HACD3: variants seen among roughly 807,000 people sequenced by gnomAD.
HACD3 encodes the protein very-long-chain (3R)-3-hydroxyacyl-CoA dehydratase 3.
Under a neutral mutation model 55.2 loss-of-function variants are expected in HACD3, and 30 were observed. The ratio of observed to expected loss-of-function variants is 0.54; its 90% confidence interval spans 0.41 to 0.74. HACD3 has a LOEUF of 0.74. Ranked by LOEUF, HACD3 falls within the 30% of genes least tolerant of loss-of-function variation. The pLI, the probability that HACD3 is intolerant of heterozygous loss-of-function variation, is 0.00. For synonymous variants in HACD3, 141 were observed against 151.7 expected (o/e 0.93, Z 0.52); for missense variants, 363 against 440.1 (o/e 0.82, Z 1.57).
At chr15:65,540,198 A>G (rs1452588338) in intron 1 of HACD3, among the ~76,000 whole-genome samples, 2 of 152,216 alleles carry the variant, frequency 1.3e-5, no homozygotes, top group African/African-American at 4.8e-5. Context: ...TTATTACCAC[A>G]GTACAAAAAC....
chr15:65,540,251 C>T (rs2072007135), intron 1 of HACD3, among the ~76,000 whole-genome samples: 1 of 152,100 alleles, frequency 6.6e-6, no homozygotes, highest in South Asian at 2.1e-4. Context: ...AACTGTTGAC[C>T]ACTCACAATG....
chr15:65,570,027 C>A, intron 7 of HACD3, 64 bp from the exon 8 acceptor site: 1 of 1,109,338 alleles, frequency 9.0e-7, no homozygotes. Flanking sequence ...TTTCAGATAA[C>A]ACATTTCTAT....
At chr15:65,542,736 A>G (rs1263875695) in intron 1 of HACD3, among the ~76,000 whole-genome samples, 1 of 152,132 alleles carries the variant, frequency 6.6e-6, no homozygotes, top group Non-Finnish European at 1.5e-5. Context: ...TAAAGTTTGA[A>G]TTTTGAACAA....
At chr15:65,569,261 AC>A (rs1175288211) in intron 7 of HACD3, among the ~76,000 whole-genome samples, 7 of 151,056 alleles carry the variant, frequency 4.6e-5, no homozygotes, top group African/African-American at 1.2e-4. Flanking sequence ...AAAAAAAAAA[AC>A]AAGACCAAAA....
intron 8 of HACD3, among the ~76,000 whole-genome samples, chr15:65,570,694 T>C (rs2072339311): frequency 6.6e-6 from 1 of 152,178 alleles, no homozygotes; most frequent in African/African-American, 2.4e-5. Context: ...TAAATATCTT[T>C]TAAGAAATGG....
intron 1 of HACD3, among the ~76,000 whole-genome samples, chr15:65,538,176 T>G (rs112362122): frequency 0.018 from 2,710 of 151,914 alleles, 43 homozygotes; most frequent in Non-Finnish European, 0.026. Flanking sequence ...TAGAAAATAC[T>G]TTCCGTAAGG....
rs2072426048 is a variant in HACD3 at position 65,578,001 on chromosome 15, A to G, written c.*1622A>G. ...AGCTCTTTCTGTTCTGCCATTCCCA[A>G]CATTCCTGGGGGAAAGGAGACTCAA... On this transcript the variant is annotated 3_prime_UTR_variant, in exon 11 of 11. Coordinates refer to ENST00000261875, the MANE Select transcript of HACD3 (RefSeq NM_016395.4). The G allele has an allele frequency of 6.6e-6, 1 of 152,542 alleles. No homozygotes were observed. The highest frequency in any genetic ancestry group is 2.4e-5 in the African/African-American group (1 of 41,456). The allele number at this position is 152,542 out of a possible 1,614,324, so 9.4% of individuals were successfully genotyped here. A position where few individuals can be genotyped will look rare whatever the true frequency, so the allele number is the denominator to read the frequency against.
intron 2 of HACD3, among the ~76,000 whole-genome samples, chr15:65,552,317 A>C (rs1424206723): frequency 1.3e-5 from 2 of 152,136 alleles, no homozygotes; most frequent in African/African-American, 4.8e-5. Flanking sequence ...ATTATTATGG[A>C]AACATAAAAT....
At chr15:65,575,138 G>A (rs959269497) in intron 10 of HACD3, among the ~76,000 whole-genome samples, 5 of 151,480 alleles carry the variant, frequency 3.3e-5, no homozygotes, top group African/African-American at 1.2e-4. Context: ...TAATTTTGAA[G>A]CAGTGTAAAC....
At chr15:65,549,001 A>G (rs1274168563) in intron 1 of HACD3, among the ~76,000 whole-genome samples, 2 of 152,184 alleles carry the variant, frequency 1.3e-5, no homozygotes, top group East Asian at 3.9e-4. Context: ...AGCTGGGACT[A>G]TAGGTGCATG....
intron 1 of HACD3, among the ~76,000 whole-genome samples, chr15:65,549,463 G>C (rs1361278314): frequency 1.3e-5 from 2 of 150,350 alleles, no homozygotes; most frequent in African/African-American, 2.5e-5. Context: ...AGCTGGGTGT[G>C]GTGGCGCACA....
At chr15:65,541,461 A>G (rs1391255190) in intron 1 of HACD3, among the ~76,000 whole-genome samples, 1 of 152,216 alleles carries the variant, frequency 6.6e-6, no homozygotes, top group Non-Finnish European at 1.5e-5. Context: ...GTGAGGGAAA[A>G]CACACATCGT....
intron 3 of HACD3, among the ~76,000 whole-genome samples, chr15:65,555,532 C>T (rs1473385961): frequency 6.6e-6 from 1 of 152,194 alleles, no homozygotes; most frequent in African/African-American, 2.4e-5. Context: ...ATTTTGGCTT[C>T]TGGAATTACA....
chr15:65,544,811 C>A (rs958531721), intron 1 of HACD3, among the ~76,000 whole-genome samples: 1 of 152,094 alleles, frequency 6.6e-6, no homozygotes, highest in Non-Finnish European at 1.5e-5. Flanking sequence ...CACCAGAGGT[C>A]GGGAGTTTGA....
In HACD3 at chr15:65,540,774, A is replaced by T. The variant is rs1249307082; in HGVS notation, c.87+10056A>T. The stretch of plus-strand genomic sequence containing the variant: ...TTAAGCAGAGAAGTGACTTTGTAGG[A>T]TTTGTGTTTCAAAAAAGATTATTCT... On this transcript the variant is annotated intron_variant, in intron 1 of 10. Coordinates refer to ENST00000261875, the MANE Select transcript of HACD3 (RefSeq NM_016395.4). Among the ~76,000 whole-genome samples the T allele has an allele frequency of 2.0e-5, 3 of 152,172 alleles. No homozygotes were observed. The East Asian group carries it at 5.8e-4, about 29-fold the overall frequency.
intron 2 of HACD3, among the ~76,000 whole-genome samples, chr15:65,554,052 A>C (rs2072162393): frequency 6.6e-6 from 1 of 152,200 alleles, no homozygotes; most frequent in African/African-American, 2.4e-5. Context: ...GGATGTGCTA[A>C]AGGAGGAGTC....
rs1380487268 is a variant in HACD3, at chr15:65,530,511, G to C, written c.-121G>C. 2 of 839,380 alleles carry C rather than the reference G, an allele frequency of 2.4e-6. No individual in the cohort carries two copies. Among genetic ancestry groups the C allele is most frequent in the African/African-American group, 1.8e-5 (1 of 55,300 alleles). The allele number at this position is 839,380 out of a possible 1,614,324, so 52.0% of individuals were successfully genotyped here. A position where few individuals can be genotyped will look rare whatever the true frequency, so the allele number is the denominator to read the frequency against. Reference sequence around the variant, plus strand: ...GAGCGTGGGGTATCTCGAGGTGCCGGGTTGCAGGCGCTCAGGAGCGCTAGG... The same window carrying C: ...GAGCGTGGGGTATCTCGAGGTGCCGCGTTGCAGGCGCTCAGGAGCGCTAGG... On this transcript the variant is annotated 5_prime_UTR_variant, in exon 1 of 11. Coordinates refer to ENST00000261875, the MANE Select transcript of HACD3 (RefSeq NM_016395.4).
intron 1 of HACD3, among the ~76,000 whole-genome samples, chr15:65,537,956 AAAATATATATATATATATATAT>A (rs2071978705): frequency 1.3e-3 from 4 of 3,068 alleles, no homozygotes; most frequent in South Asian, 0.023. Context: ...AAAAAAAAAA[AAAATATATATATATATATATAT>A]ATATATATAT....
At chr15:65,561,585 A>G (rs1463408658) in intron 5 of HACD3, among the ~76,000 whole-genome samples, 2 of 152,162 alleles carry the variant, frequency 1.3e-5, no homozygotes, top group Admixed American at 6.5e-5. Flanking sequence ...ATACAACACT[A>G]CAACACTCAA....
Sources: gnomAD v4.1 joint callset for allele counts (sites outside exome capture counted in the v4.1 genomes callset) on GRCh38, gnomAD v4.1.1 for gene constraint, MANE v1.5 for transcripts, NCBI Gene and HGNC (gene_info 2026-07-23, HGNC 2026-07-21) for gene names.